The following ME3 variants were observed in gnomAD, a reference collection of about 807,000 sequenced individuals.
ME3 encodes the protein malic enzyme 3.
A neutral mutation model predicts 68.9 loss-of-function variants in ME3; 48 were observed. The ratio of observed to expected loss-of-function variants is 0.70; its 90% CI spans 0.55 to 0.89. The LOEUF (loss-of-function observed/expected upper bound fraction) is 0.89. Among genes scored for constraint, ME3 ranks in the 40% least tolerant of loss-of-function variants. The pLI, the probability that ME3 is intolerant of heterozygous loss-of-function variation, is 0.00. For missense variants in ME3, 675 were observed against 797.4 expected, an observed-to-expected ratio of 0.85 and a Z score of 1.85; for synonymous variants, 320 against 318.8, an observed-to-expected ratio of 1.00 and a Z score of -0.04.
chr11:86,441,504 C>T, intron 14 of ME3, 64 bp from the exon 15 acceptor site: 1 of 1,463,456 alleles, frequency 6.8e-7, no homozygotes, highest in Non-Finnish European at 9.2e-7. Flanking sequence ...AGGATCCTTG[C>T]TTGGGAGCAT....
intron 2 of ME3, among the ~76,000 whole-genome samples, chr11:86,637,475 G>A (rs2135360813): frequency 6.6e-6 from 1 of 152,278 alleles, no homozygotes; most frequent in Non-Finnish European, 1.5e-5. Flanking sequence ...ATTTCCATGG[G>A]AAGTGATGTT....
At chr11:86,538,422 A>G (rs140587321) in intron 4 of ME3, among the ~76,000 whole-genome samples, 5 of 152,236 alleles carry the variant, frequency 3.3e-5, no homozygotes, top group African/African-American at 1.2e-4. Flanking sequence ...TCTTTTACTG[A>G]GTACTGGCCA....
At chr11:86,441,243 G>C (rs774823601) in exon 15 of ME3, 1 of 1,484,678 alleles carries the variant, frequency 6.7e-7, no homozygotes, top group Non-Finnish European at 9.0e-7. Context: ...GTTACTCTGG[G>C]CTTCATCTAG....
chr11:86,596,909 C>A (rs1424566019), intron 2 of ME3, among the ~76,000 whole-genome samples: 4 of 152,154 alleles, frequency 2.6e-5, no homozygotes, highest in Non-Finnish European at 5.9e-5. Context: ...ATGGGCCAAA[C>A]CAAAGTGGAC....
chr11:86,534,081 G>GTGTGTATATATATATA (rs1361825219), intron 4 of ME3, among the ~76,000 whole-genome samples: 2 of 127,508 alleles, frequency 1.6e-5, no homozygotes, highest in African/African-American at 6.4e-5. Flanking sequence ...GTGTGTGTGT[G>GTGTGTATATATATATA]TATATATATA....
chr11:86,568,909 G>C lies in ME3; in HGVS notation c.184-9086C>G, dbSNP rs372508338. On this transcript the variant is annotated intron_variant, in intron 2 of 14. Coordinates refer to ENST00000543262, the Ensembl canonical transcript of ME3. ...AACAGGTCCTGGTCACTGTCCTCAA[G>C]TGTCTACTAGAGGAGACATGTGGGT... 4.6e-5 allele frequency among the ~76,000 whole-genome samples: 7 copies of C among 152,340 alleles called. 1 individual carries two copies. The highest frequency in any genetic ancestry group is 2.4e-5 in the African/African-American group (1 of 41,572).
intron 2 of ME3, among the ~76,000 whole-genome samples, chr11:86,652,553 T>C (rs993876055): frequency 2.6e-5 from 4 of 152,158 alleles, no homozygotes; most frequent in South Asian, 2.1e-4. Context: ...CTGAGAGATT[T>C]TGTCACCACC....
chr11:86,546,634 T>C (rs1194509305), intron 4 of ME3, among the ~76,000 whole-genome samples: 3 of 152,192 alleles, frequency 2.0e-5, no homozygotes, highest in Non-Finnish European at 4.4e-5. Flanking sequence ...TCATGCCAGT[T>C]AGAATGGTGA....
chr11:86,608,601 G>A (rs946369693), intron 2 of ME3, among the ~76,000 whole-genome samples: 2 of 152,196 alleles, frequency 1.3e-5, no homozygotes, highest in African/African-American at 4.8e-5. Flanking sequence ...GAACTTGTGG[G>A]CTTGGAAACC....
At chr11:86,601,370 C>T (rs1032336999) in intron 2 of ME3, among the ~76,000 whole-genome samples, 8 of 152,166 alleles carry the variant, frequency 5.3e-5, no homozygotes, top group Non-Finnish European at 7.3e-5. Context: ...GGATAAATTC[C>T]TGGACACATA....
chr11:86,465,275 T>C, intron 7 of ME3, 75 bp from the exon 8 acceptor site: 1 of 1,060,242 alleles, frequency 9.4e-7, no homozygotes, highest in Non-Finnish European at 1.4e-6. Context: ...GCTTGCACAG[T>C]GGGGTGGGGA....
chr11:86,548,537 C>CA (rs1474726776), intron 4 of ME3, among the ~76,000 whole-genome samples: 2 of 152,104 alleles, frequency 1.3e-5, no homozygotes, highest in Admixed American at 6.6e-5. Context: ...GAGCTCTCAG[C>CA]AAAAAATGAC....
At chr11:86,471,055 T>C (rs1332371736) in intron 7 of ME3, among the ~76,000 whole-genome samples, 1 of 151,804 alleles carries the variant, frequency 6.6e-6, no homozygotes, top group African/African-American at 2.4e-5. Flanking sequence ...CACGGTCCCC[T>C]GTCTTTGCTC....
chr11:86,486,834 A>G (rs757176128), intron 7 of ME3, among the ~76,000 whole-genome samples: 4 of 152,242 alleles, frequency 2.6e-5, no homozygotes, highest in African/African-American at 4.8e-5. Context: ...AAGCTTCCCC[A>G]GTGAAGAGAT....
intron 4 of ME3, among the ~76,000 whole-genome samples, chr11:86,524,018 A>AT (rs1954535693): frequency 4.6e-5 from 7 of 152,202 alleles, no homozygotes; most frequent in Admixed American, 4.6e-4. Context: ...TTCTACTAAA[A>AT]TATTTACTCC....
chr11:86,529,973 C>A lies in ME3; in HGVS notation c.468-21106G>T, dbSNP rs567255970. 3.3e-5 allele frequency among the ~76,000 whole-genome samples: 5 copies of A among 152,300 alleles called. No individual in the cohort carries two copies. In the East Asian group the frequency reaches 9.7e-4, roughly 29 times the overall value. ...ACAGGGATGCCCTCTCTCACCACTCCTATTCAACATAGTGTTGGAAGTTCT... is the reference window on the plus strand; with the variant it reads ...ACAGGGATGCCCTCTCTCACCACTCATATTCAACATAGTGTTGGAAGTTCT... On this transcript the variant is annotated intron_variant, in intron 4 of 14. Transcript: ENST00000543262.
intron 8 of ME3, among the ~76,000 whole-genome samples, chr11:86,452,397 G>C (rs760284094): frequency 6.6e-6 from 1 of 152,142 alleles, no homozygotes; most frequent in African/African-American, 2.4e-5. Context: ...TGAAGCTTAG[G>C]GGAGTCTTCT....
intron 3 of ME3, among the ~76,000 whole-genome samples, chr11:86,558,754 C>T (rs1015768493): frequency 6.6e-6 from 1 of 152,188 alleles, no homozygotes; most frequent in Non-Finnish European, 1.5e-5. Context: ...CACTGACATA[C>T]GGCCTACTAT....
intron 2 of ME3, among the ~76,000 whole-genome samples, chr11:86,666,283 T>C (rs1946582677): frequency 6.6e-6 from 1 of 152,190 alleles, no homozygotes. Flanking sequence ...CCCAATTGGC[T>C]TCTGCGTGGA....
Sources: gnomAD v4.1 joint callset for allele counts (sites outside exome capture counted in the v4.1 genomes callset) on GRCh38, gnomAD v4.1.1 for gene constraint, MANE v1.5 for transcripts, NCBI Gene and HGNC (gene_info 2026-07-23, HGNC 2026-07-21) for gene names.